TCTN3: variants seen among roughly 807,000 people sequenced by gnomAD.
TCTN3 encodes the protein tectonic-3.
Under a neutral mutation model 71.3 loss-of-function variants are expected in TCTN3, and 57 were observed. The observed-to-expected ratio is 0.80, with a 90% CI of 0.65 to 1.00. The LOEUF is 1.00. TCTN3 is among the 50% of genes least tolerant of loss of function. TCTN3 has a pLI of 0.00. For missense variants in TCTN3, 696 were observed against 719.9 expected (o/e 0.97, Z 0.38); for synonymous variants, 258 against 267.8 (o/e 0.96, Z 0.36).
At chr10:95,690,911 T>C (rs773108448) in intron 3 of TCTN3, among the ~76,000 whole-genome samples, 4 of 152,200 alleles carry the variant, frequency 2.6e-5, no homozygotes, top group Non-Finnish European at 5.9e-5. Flanking sequence ...ATACTAAACA[T>C]GAATGTACAC....
rs1376295514 is a variant in TCTN3, at chr10:95,667,444, C to T, written c.1591-3144G>A. On this transcript the variant is annotated intron_variant, in intron 13 of 13. Transcript: ENST00000371217. ...CCTGAAAGTTTTCAGAGACTAGATA[C>T]AAGCAGATTTTCTCTGTGGAACTCT... 2.6e-5 allele frequency among the ~76,000 whole-genome samples: 4 copies of T among 152,112 alleles called. No individual in the cohort carries two copies. In the East Asian group the frequency reaches 5.8e-4, roughly 22 times the overall value.
chr10:95,669,237 C>G (rs763432846), intron 13 of TCTN3, among the ~76,000 whole-genome samples: 1 of 151,966 alleles, frequency 6.6e-6, no homozygotes, highest in African/African-American at 2.4e-5. Context: ...CATAGTAGGG[C>G]GACTGTATTA....
chr10:95,669,581 C>A (rs533246623), intron 13 of TCTN3, among the ~76,000 whole-genome samples: 1 of 152,274 alleles, frequency 6.6e-6, no homozygotes, highest in African/African-American at 2.4e-5. Context: ...GTGTCTCAGA[C>A]CTTCCATGGA....
At position 95,693,896 on chromosome 10, in the gene TCTN3, G is replaced by A; in HGVS notation, c.4C>T (p.Arg2Cys). 6.4e-7 allele frequency: 1 copy of A among 1,551,504 alleles called. No individual in the cohort carries two copies. The highest frequency in any genetic ancestry group is 8.7e-7 in the Non-Finnish European group (1 of 1,146,894). ...TGCAGGAGCGCGAGCTGTGGGGTGC[G>A]CATGGGGCATTCAGGGCCTCCGGGT... The part of the protein sequence containing the change: M[R>C]TPQLALLQVF... The change falls in exon 1 of 14, where the codon CGC becomes TGC. Residue 2 changes from arginine to cysteine, a missense_variant. Transcript: ENST00000371217.
chr10:95,687,488 T>C, intron 4 of TCTN3, 104 bp downstream of exon 4: 8 of 1,546,982 alleles, frequency 5.2e-6, no homozygotes, highest in African/African-American at 1.4e-5. Context: ...GAGCTGACAA[T>C]GGTTTAGCTA....
chr10:95,686,639 C>A, intron 6 of TCTN3, 109 bp from the exon 7 acceptor site: 5 of 1,027,394 alleles, frequency 4.9e-6, no homozygotes, highest in South Asian at 1.4e-5. Context: ...GCAGGGGAGT[C>A]AATATATTAG....
At position 95,684,892 on chromosome 10, in the gene TCTN3, T is replaced by C. The variant is rs553414324; in HGVS notation, c.970-268A>G. On this transcript the variant is annotated intron_variant, in intron 8 of 13. Transcript: ENST00000371217. ...GGAACTGAAAGGGAAGAAAAATAAG[T>C]TGATTACGGACAGAGGAGGGCAAGT... Among the ~76,000 whole-genome samples, 8 of 152,290 alleles carry C rather than the reference T, an allele frequency of 5.3e-5. No individual in the cohort carries two copies. In the East Asian group the frequency reaches 1.2e-3, roughly 22 times the overall value.
chr10:95,663,881 A>C lies in TCTN3; in HGVS notation c.*186T>G. On this transcript the variant is annotated 3_prime_UTR_variant, in exon 14 of 14. Transcript: ENST00000371217. ...GCAGAGCCCAAAGCAGAGAGCTATG[A>C]TGAATAAAATATTTTTATTGCTTTT... is the stretch of plus-strand genomic sequence containing the variant. 1.7e-6 allele frequency: 1 copy of C among 576,964 alleles called. No homozygotes were observed. Among genetic ancestry groups the C allele is most frequent in the South Asian group, 2.1e-5 (1 of 48,370 alleles). The allele number at this position is 576,964 out of a possible 1,614,324, so 35.7% of individuals were successfully genotyped here.
Position 95,680,548 on chromosome 10 carries a change from G to A in TCTN3, c.1514C>T (p.Ala505Val), listed in dbSNP as rs1175005408. The change falls in exon 13 of 14, where the codon GCA becomes GTA. Residue 505 changes from alanine (A) to valine (V), a missense_variant. Physicochemically the swap from Ala to Val is moderately conservative, Grantham distance 64. Coordinates refer to ENST00000371217, the MANE Select transcript of TCTN3 (RefSeq NM_015631.6). The stretch of plus-strand genomic sequence containing the variant: ...CGGGTTGGACAGGAGACCTACATAT[G>A]CCCACAATACCTGGATCTCCAGGGA... ...PVSLEIQVLW[A>V]YVGLLSNPQA... 1.9e-6 allele frequency: 3 copies of A among 1,614,006 alleles called. No homozygotes were observed. Among genetic ancestry groups the A allele is most frequent in the Non-Finnish European group, 2.5e-6 (3 of 1,180,018 alleles).
chr10:95,689,559 C>G (rs1215719726), intron 3 of TCTN3, among the ~76,000 whole-genome samples: 1 of 152,144 alleles, frequency 6.6e-6, no homozygotes. Flanking sequence ...AGAAGGTGAA[C>G]TGAGATGGCA....
rs1229624003 is a variant in TCTN3 at position 95,663,799 on chromosome 10, A to C, written c.*268T>G. 5.3e-6 allele frequency: 2 copies of C among 376,388 alleles called. No individual in the cohort carries two copies. The highest frequency in any genetic ancestry group is 9.8e-6 in the Non-Finnish European group (2 of 204,744). 23.3% of individuals were successfully genotyped at this position (376,388 alleles called of 1,614,324 possible). A position where few individuals can be genotyped will look rare whatever the true frequency, so the allele number is the denominator to read the frequency against. The stretch of plus-strand genomic sequence containing the variant: ...GTAACATAACCAGAAAGGCTGAAGG[A>C]AGGCTCTTGGCCTTCCCAGCTTGAG... On this transcript the variant is annotated 3_prime_UTR_variant, in exon 14 of 14. Transcript: ENST00000371217.
At chr10:95,688,420 A>C (rs938863971) in intron 3 of TCTN3, among the ~76,000 whole-genome samples, 1 of 117,398 alleles carries the variant, frequency 8.5e-6, no homozygotes, top group Non-Finnish European at 1.8e-5. Flanking sequence ...AAAAAAAAAG[A>C]AAAAAAAAGA....
chr10:95,693,142 T>C, intron 2 of TCTN3, 104 bp from the exon 3 acceptor site: 1 of 1,196,590 alleles, frequency 8.4e-7, no homozygotes, highest in Non-Finnish European at 1.2e-6. Context: ...GAGGACTCCT[T>C]GGGCACCTAT....
intron 13 of TCTN3, among the ~76,000 whole-genome samples, chr10:95,665,285 T>TTG (rs890669395): frequency 6.6e-6 from 1 of 151,760 alleles, no homozygotes; most frequent in Non-Finnish European, 1.5e-5. Flanking sequence ...AATTTTTTTT[T>TTG]TGTGTGTGTG....
In TCTN3 at chr10:95,693,001, A is replaced by C; in HGVS notation, c.418T>G (p.Phe140Val). 1 of 1,614,022 alleles carries C rather than the reference A, an allele frequency of 6.2e-7. No homozygotes were observed. Among genetic ancestry groups the C allele is most frequent in the Middle Eastern group, 1.6e-4 (1 of 6,062 alleles). ...GAAGGAAACGGGGAATTACTCCTGA[A>C]GATAACAGAGTTGTCTACACAAACC... Reference protein sequence around the residue: ...SWVCVDNSVIFRSNSPFPSRV... With the variant: ...SWVCVDNSVIVRSNSPFPSRV... Residue 140 changes from phenylalanine to valine, a missense_variant, in exon 3 of 14, where the codon TTC (phenylalanine) becomes GTC (valine). By Grantham distance (50) the Phe-to-Val change is conservative. Transcript: ENST00000371217.
At chr10:95,683,657 T>G (rs768131236) in intron 9 of TCTN3, 28 bp from the exon 10 acceptor site, 1 of 1,587,734 alleles carries the variant, frequency 6.3e-7, no homozygotes, top group Non-Finnish European at 8.6e-7. Flanking sequence ...AGAAGTCAAT[T>G]ATGGAGATAA....
At position 95,680,553 on chromosome 10, in the gene TCTN3, C is replaced by G. The variant is rs2097941983; in HGVS notation, c.1509G>C (p.Leu503Phe). 1 of 1,614,020 alleles carries G rather than the reference C, an allele frequency of 6.2e-7. No individual in the cohort carries two copies. The highest frequency in any genetic ancestry group is 8.5e-7 in the Non-Finnish European group (1 of 1,180,028). ...LIPVSLEIQV[L>F]WAYVGLLSNP... Reference sequence around the variant, plus strand: ...TGGACAGGAGACCTACATATGCCCACAATACCTGGATCTCCAGGGAAACTG... The same window carrying G: ...TGGACAGGAGACCTACATATGCCCAGAATACCTGGATCTCCAGGGAAACTG... Residue 503 changes from leucine to phenylalanine, a missense_variant, in exon 13 of 14, where the codon TTG becomes TTC. Coordinates refer to ENST00000371217, the MANE Select transcript of TCTN3 (RefSeq NM_015631.6).
intron 12 of TCTN3, among the ~76,000 whole-genome samples, chr10:95,681,759 ACT>A (rs1376371029): frequency 1.3e-5 from 2 of 152,192 alleles, no homozygotes; most frequent in African/African-American, 4.8e-5. Flanking sequence ...ACCTCATGAA[ACT>A]CTGTGCTGAC....
chr10:95,684,586 G>T lies in TCTN3; in HGVS notation c.1008C>A (p.Ile336=), dbSNP rs747888353. ...YEIETNGTFG[I]QKVSVSLGQT... ...GTCCCAAACTGACAGAAACTTTCTG[G>T]ATTCCAAAAGTCCCATTGGTCTCTA... is the stretch of plus-strand genomic sequence containing the variant. Residue 336 remains isoleucine, a synonymous_variant, in exon 9 of 14, where the codon ATC becomes ATA. Coordinates refer to ENST00000371217, the MANE Select transcript of TCTN3 (RefSeq NM_015631.6). 6.8e-6 allele frequency: 11 copies of T among 1,613,876 alleles called. No homozygotes were observed. The highest frequency in any genetic ancestry group is 2.5e-6 in the Non-Finnish European group (3 of 1,179,932).
Sources: allele counts gnomAD v4.1 joint callset (sites outside exome capture counted in the v4.1 genomes callset), GRCh38; gene constraint gnomAD v4.1.1; transcripts MANE v1.5; gene names NCBI Gene and HGNC (gene_info 2026-07-23, HGNC 2026-07-21).